The following CSMD3 variants were observed in gnomAD, a reference collection of about 807,000 sequenced individuals.
CSMD3 encodes the protein CUB and Sushi multiple domains 3.
A neutral mutation model predicts 435.2 loss-of-function variants in CSMD3; 177 were observed. The ratio of observed to expected loss-of-function variants is 0.41; its 90% CI spans 0.36 to 0.46. CSMD3 has a LOEUF of 0.46. CSMD3 is among the 20% of genes least tolerant of loss of function. CSMD3 has a pLI of 0.34. For missense variants in CSMD3, 4,265 were observed against 4,504.6 expected, an observed-to-expected ratio of 0.95 and a Z score of 1.52; for synonymous variants, 1,656 against 1,520.5, an observed-to-expected ratio of 1.09 and a Z score of -2.07.
At chr8:112,308,714 T>C (rs558941647) in intron 50 of CSMD3, among the ~76,000 whole-genome samples, 121 of 152,160 alleles carry the variant, frequency 8.0e-4, no homozygotes, top group Middle Eastern at 6.8e-3. Context: ...TCAATAGTTA[T>C]GTGATGAGAA....
chr8:112,842,550 A>T (rs200941145), intron 11 of CSMD3, among the ~76,000 whole-genome samples: 1 of 38,744 alleles, frequency 2.6e-5, no homozygotes, highest in South Asian at 1.2e-3. Flanking sequence ...TAATATTTTG[A>T]ACATATATAT....
At chr8:112,383,783 C>A in intron 36 of CSMD3, 120 bp from the exon 37 acceptor site, 1 of 727,172 alleles carries the variant, frequency 1.4e-6, no homozygotes, top group Non-Finnish European at 2.5e-6. Context: ...TGTGACCCTT[C>A]ATAGAAGGGT....
At chr8:112,305,479 C>T (rs1821335940) in intron 51 of CSMD3, among the ~76,000 whole-genome samples, 1 of 151,954 alleles carries the variant, frequency 6.6e-6, no homozygotes, top group African/African-American at 2.4e-5. Context: ...TTTTTTGCTA[C>T]CAAATCTTTA....
chr8:112,307,178 C>T (rs565744775), intron 50 of CSMD3, among the ~76,000 whole-genome samples: 2 of 151,866 alleles, frequency 1.3e-5, no homozygotes, highest in African/African-American at 4.8e-5. Context: ...GGCTGGAGTG[C>T]GGTGGCACTA....
intron 10 of CSMD3, among the ~76,000 whole-genome samples, chr8:112,916,574 T>C (rs1295378652): frequency 2.0e-5 from 3 of 152,064 alleles, no homozygotes; most frequent in East Asian, 3.9e-4. Context: ...ATCCTTATTA[T>C]GCATCATTTC....
chr8:113,360,492 GA>G (rs1039804384), intron 1 of CSMD3, among the ~76,000 whole-genome samples: 23 of 151,642 alleles, frequency 1.5e-4, no homozygotes, highest in African/African-American at 4.6e-4. Flanking sequence ...TTTACACTGG[GA>G]CACATGTAAA....
intron 35 of CSMD3, among the ~76,000 whole-genome samples, chr8:112,404,947 G>T (rs187439326): frequency 1.3e-5 from 2 of 151,306 alleles, no homozygotes; most frequent in East Asian, 1.9e-4. Flanking sequence ...GGAGGCCGAG[G>T]GGGGTGGATT....
In CSMD3 at chr8:112,390,727, C is replaced by A. The variant is rs1358178114; in HGVS notation, c.5871G>T (p.Glu1957Asp). The A allele has an allele frequency of 6.2e-7, 1 of 1,612,560 alleles. No homozygotes were observed. Among genetic ancestry groups the A allele is most frequent in the Admixed American group, 1.7e-5 (1 of 60,004 alleles). The change falls in exon 36 of 71, where the codon GAG (glutamate) becomes GAT (aspartate). Residue 1957 changes from glutamate (E) to aspartate (D), a missense_variant. Around this residue, in one of 3 missense-constraint regions of CSMD3, gnomAD observed 3,255 missense variants for 3,380.2 expected, o/e 0.96. Transcript: ENST00000297405. ...KGTILSPGYP[E>D]PYDNNLNCVW... ...CACAATTCAGATTGTTGTCATAAGGCTCAGGGTATCCAGGTGACAAAATAG... is the reference window on the plus strand; with the variant it reads ...CACAATTCAGATTGTTGTCATAAGGATCAGGGTATCCAGGTGACAAAATAG...
chr8:113,371,925 A>G (rs1185212878), intron 1 of CSMD3, among the ~76,000 whole-genome samples: 1 of 152,202 alleles, frequency 6.6e-6, no homozygotes, highest in South Asian at 2.1e-4. Flanking sequence ...ATATGGGAGT[A>G]TTTCAATGAG....
intron 32 of CSMD3, among the ~76,000 whole-genome samples, chr8:112,435,050 A>T (rs994914181): frequency 6.6e-6 from 1 of 152,088 alleles, no homozygotes; most frequent in Non-Finnish European, 1.5e-5. Flanking sequence ...GAGCAGCTAC[A>T]CTCAGAGTTG....
intron 1 of CSMD3, among the ~76,000 whole-genome samples, chr8:113,404,411 A>G (rs1451857569): frequency 6.6e-6 from 1 of 151,358 alleles, no homozygotes; most frequent in East Asian, 1.9e-4. Flanking sequence ...ATCCAGTTAC[A>G]AGAGAATTCG....
intron 13 of CSMD3, among the ~76,000 whole-genome samples, chr8:112,740,348 A>G (rs1454375735): frequency 6.7e-6 from 1 of 148,638 alleles, no homozygotes; most frequent in Non-Finnish European, 1.5e-5. Context: ...TATTCATAAT[A>G]TAAAGCTTTG....
At chr8:113,261,973 C>A (rs1347468241) in intron 3 of CSMD3, among the ~76,000 whole-genome samples, 1 of 152,030 alleles carries the variant, frequency 6.6e-6, no homozygotes, top group Non-Finnish European at 1.5e-5. Context: ...TTCCACTTCA[C>A]ATTTTGAAGA....
At chr8:112,412,375 T>A (rs948550379) in intron 32 of CSMD3, among the ~76,000 whole-genome samples, 13 of 152,060 alleles carry the variant, frequency 8.5e-5, no homozygotes, top group African/African-American at 3.1e-4. Flanking sequence ...GTGGTCTGTT[T>A]CTTCATTTCC....
Position 112,595,799 on chromosome 8 carries a change from A to G in CSMD3, c.3716-8564T>C, listed in dbSNP as rs1231620956. On this transcript the variant is annotated intron_variant, in intron 22 of 70. Transcript: ENST00000297405. Reference sequence around the variant, plus strand: ...AAGTGAAGGAGAAATAAAATACTTTACAGACAAGCAAATGCTGACCGATTT... The same window carrying G: ...AAGTGAAGGAGAAATAAAATACTTTGCAGACAAGCAAATGCTGACCGATTT... Among the ~76,000 whole-genome samples, 2 of 108,708 alleles carry G rather than the reference A, an allele frequency of 1.8e-5. 1 individual carries two copies. The highest frequency in any genetic ancestry group is 8.5e-5 in the African/African-American group (2 of 23,596). The allele number at this position is 108,708 out of a possible 152,430, so 71.3% of individuals were successfully genotyped here.
chr8:112,952,645 C>T (rs180883817), intron 8 of CSMD3, among the ~76,000 whole-genome samples: 5 of 151,326 alleles, frequency 3.3e-5, no homozygotes, highest in Admixed American at 6.6e-5. Context: ...TGTTGGCTTG[C>T]TATTTTATGA....
intron 6 of CSMD3, among the ~76,000 whole-genome samples, chr8:112,991,238 A>ATG (rs2085447115): frequency 6.6e-6 from 1 of 151,578 alleles, no homozygotes; most frequent in Non-Finnish European, 1.5e-5. Context: ...ATATATATAT[A>ATG]TTCCTGTAAA....
At chr8:112,416,536 G>T (rs1221721473) in intron 32 of CSMD3, among the ~76,000 whole-genome samples, 2 of 152,164 alleles carry the variant, frequency 1.3e-5, no homozygotes, top group Admixed American at 1.3e-4. Context: ...AAGCAAACCA[G>T]AAACTTTTGG....
intron 5 of CSMD3, among the ~76,000 whole-genome samples, chr8:113,082,950 A>T (rs1322673197): frequency 2.0e-5 from 3 of 152,186 alleles, no homozygotes; most frequent in Non-Finnish European, 4.4e-5. Flanking sequence ...TATATGAGAC[A>T]CTATTAAGCA....
Sources: gnomAD v4.1 joint callset for allele counts (sites outside exome capture counted in the v4.1 genomes callset) on GRCh38, gnomAD v4.1.1 for gene constraint, gnomAD v4.1.1 regional missense constraint, MANE v1.5 for transcripts, NCBI Gene and HGNC (gene_info 2026-07-23, HGNC 2026-07-21) for gene names.